ODAD2: variants seen among roughly 807,000 people sequenced by gnomAD.
The protein encoded by ODAD2 is outer dynein arm docking complex subunit 2.
ODAD2 carries 89 observed loss-of-function variants against 106.8 expected under a neutral mutation model. The observed-to-expected ratio is 0.83, with a 90% CI of 0.70 to 0.99. The LOEUF (loss-of-function observed/expected upper bound fraction) is 0.99, where lower values mean the gene tolerates loss of function less well. ODAD2 is among the 50% of genes least tolerant of loss of function. The pLI, the probability that ODAD2 is intolerant of heterozygous loss-of-function variation, is 0.00. For missense variants in ODAD2, 1,168 were observed against 1,238.5 expected (o/e 0.94, Z 0.85); for synonymous variants, 404 against 436.2 (o/e 0.93, Z 0.92).
intron 1 of ODAD2, among the ~76,000 whole-genome samples, chr10:27,996,775 T>C (rs1588682001): frequency 6.6e-6 from 1 of 152,182 alleles, no homozygotes; most frequent in South Asian, 2.1e-4. Flanking sequence ...GCAATGTTAT[T>C]TGAGAAATTT....
At chr10:27,923,989 A>AGAAAGAAAGAAAGAAAGAAT (rs1198899272) in intron 16 of ODAD2, among the ~76,000 whole-genome samples, 1 of 140,512 alleles carries the variant, frequency 7.1e-6, no homozygotes, top group East Asian at 2.2e-4. Context: ...AAAGAAAGAA[A>AGAAAGAAAGAAAGAAAGAAT]GAAAGAAAGA....
intron 10 of ODAD2, among the ~76,000 whole-genome samples, chr10:27,953,724 T>C (rs2132736209): frequency 6.6e-6 from 1 of 152,314 alleles, no homozygotes; most frequent in South Asian, 2.1e-4. Flanking sequence ...AAATTATATA[T>C]GTATATAAAC....
intron 12 of ODAD2, among the ~76,000 whole-genome samples, chr10:27,942,346 T>C (rs1379466027): frequency 6.6e-6 from 1 of 152,236 alleles, no homozygotes; most frequent in East Asian, 1.9e-4. Context: ...CAATTTTTAA[T>C]GTTGGAAGTG....
In ODAD2 at chr10:27,995,018, ATAAAAC is replaced by A; in HGVS notation, c.119_124del (p.Ser40_Phe41del). 6.2e-7 allele frequency: 1 copy of A among 1,614,216 alleles called. No homozygotes were observed. Among genetic ancestry groups the A allele is most frequent in the Non-Finnish European group, 8.5e-7 (1 of 1,180,052 alleles). On this transcript the variant is annotated inframe_deletion, in exon 2 of 20. Transcript: ENST00000305242. ...TTTTGCCTCTTGAGGATGTTTATAG[ATAAAAC>A]TCTCCACAAACACAATAATTTCTTT...
At chr10:27,905,089 T>G (rs1422088513) in intron 17 of ODAD2, 1 of 208,604 alleles carries the variant, frequency 4.8e-6, no homozygotes, top group East Asian at 1.2e-4. Context: ...TCTAAGACGA[T>G]GCTGGATATG....
Position 27,963,364 on chromosome 10 carries a change from G to T in ODAD2, c.1239-1649C>A, listed in dbSNP as rs1175030501. Among the ~76,000 whole-genome samples the T allele has an allele frequency of 2.6e-5, 4 of 152,080 alleles. No homozygotes were observed. In the East Asian group the frequency reaches 7.7e-4, roughly 29 times the overall value. ...ACCTCACAACCACTTTGCAAAGCAG[G>T]CTCTATTATCCCCATTCTACAAGCA... is the stretch of plus-strand genomic sequence containing the variant. On this transcript the variant is annotated intron_variant, in intron 9 of 19. Coordinates refer to ENST00000305242, the MANE Select transcript of ODAD2 (RefSeq NM_018076.5).
chr10:27,892,594 C>T lies in ODAD2; in HGVS notation c.2610+15069G>A, dbSNP rs550532697. 2.6e-5 allele frequency among the ~76,000 whole-genome samples: 4 copies of T among 152,298 alleles called. No homozygotes were observed. The South Asian group carries it at 8.3e-4, about 32-fold the overall frequency. Reference sequence around the variant, plus strand: ...TCAATAACTATTACATACTTGCTTTCTCCAAAATGAAGTTTTAAACTTAAC... The same window carrying T: ...TCAATAACTATTACATACTTGCTTTTTCCAAAATGAAGTTTTAAACTTAAC... On this transcript the variant is annotated intron_variant, in intron 17 of 19. Coordinates refer to ENST00000305242, the MANE Select transcript of ODAD2 (RefSeq NM_018076.5).
rs770897275 is a variant in ODAD2, at chr10:27,964,551, G to A, written c.1239-2836C>T. ...ATGCTATTGAAGAATGCTGTCTTTC[G>A]GTATCTTTGTTAAACTCCAAGGAAA... is the stretch of plus-strand genomic sequence containing the variant. On this transcript the variant is annotated intron_variant, in intron 9 of 19. Coordinates refer to ENST00000305242, the MANE Select transcript of ODAD2 (RefSeq NM_018076.5). 3.9e-5 allele frequency among the ~76,000 whole-genome samples: 6 copies of A among 152,200 alleles called. No homozygotes were observed. The East Asian group carries it at 5.8e-4, about 15-fold the overall frequency.
In ODAD2 at chr10:27,812,403, G is replaced by C; in HGVS notation, c.*109C>G. 1.1e-6 allele frequency: 1 copy of C among 941,376 alleles called. No individual in the cohort carries two copies. Among genetic ancestry groups the C allele is most frequent in the East Asian group, 2.8e-5 (1 of 35,186 alleles). 58.3% of individuals were successfully genotyped at this position (941,376 alleles called of 1,614,324 possible). ...TCAATTTGTGTGTTTTCATTTAGAT[G>C]GTTGAAAGGGTTTGCTAACAACTGT... On this transcript the variant is annotated 3_prime_UTR_variant, in exon 20 of 20. Coordinates refer to ENST00000305242, the MANE Select transcript of ODAD2 (RefSeq NM_018076.5).
chr10:27,824,409 G>A (rs890285642), intron 19 of ODAD2, among the ~76,000 whole-genome samples: 1 of 152,168 alleles, frequency 6.6e-6, no homozygotes, highest in Admixed American at 6.5e-5. Context: ...AAATGGGTAA[G>A]TTTGGCCCCC....
At chr10:27,961,843 T>A (rs983363148) in intron 9 of ODAD2, 128 bp from the exon 10 acceptor site, 1 of 722,592 alleles carries the variant, frequency 1.4e-6, no homozygotes, top group African/African-American at 1.8e-5. Context: ...GGTGGGAGGA[T>A]TACTTAAGGC....
intron 17 of ODAD2, among the ~76,000 whole-genome samples, chr10:27,876,001 G>A (rs1430950909): frequency 6.6e-6 from 1 of 152,198 alleles, no homozygotes; most frequent in Non-Finnish European, 1.5e-5. Context: ...CTGGGGGAGG[G>A]GCACCCGCCA....
At chr10:27,914,285 GT>G (rs1430665033) in intron 16 of ODAD2, among the ~76,000 whole-genome samples, 1 of 151,874 alleles carries the variant, frequency 6.6e-6, no homozygotes, top group African/African-American at 2.4e-5. Context: ...AATTACGCTG[GT>G]GACCACCAGA....
intron 17 of ODAD2, among the ~76,000 whole-genome samples, chr10:27,902,016 C>T (rs911944731): frequency 6.6e-6 from 1 of 152,162 alleles, no homozygotes; most frequent in Non-Finnish European, 1.5e-5. Flanking sequence ...CTTCTCAGCA[C>T]CACATCACAC....
chr10:27,985,060 C>T lies in ODAD2; in HGVS notation c.534G>A (p.Leu178=), dbSNP rs550542420. 2.5e-6 allele frequency: 4 copies of T among 1,609,014 alleles called. No homozygotes were observed. The South Asian group carries it at 3.3e-5, about 13-fold the overall frequency. ...GAGAATGATTGAGGAGGTGCAGATC[C>T]AATTGCTTAAGCAGCATAGCAATCT... ...KMKIAMLLKQ[L]DLHLLNHSLK... is the part of the protein sequence containing the mutation. The change falls in exon 4 of 20, where the codon TTG becomes TTA. Residue 178 remains leucine, a synonymous_variant. Coordinates refer to ENST00000305242, the MANE Select transcript of ODAD2 (RefSeq NM_018076.5).
At chr10:27,867,664 C>T (rs1361429000) in intron 17 of ODAD2, among the ~76,000 whole-genome samples, 1 of 152,052 alleles carries the variant, frequency 6.6e-6, no homozygotes, top group Non-Finnish European at 1.5e-5. Flanking sequence ...TACAAATAAG[C>T]AAGGGCTGGG....
intron 7 of ODAD2, among the ~76,000 whole-genome samples, chr10:27,976,627 T>A (rs1849207363): frequency 2.0e-5 from 3 of 152,142 alleles, no homozygotes; most frequent in Admixed American, 2.0e-4. Flanking sequence ...ACATACTATG[T>A]TCATGGATTA....
chr10:27,940,633 C>T lies in ODAD2; in HGVS notation c.1916G>A (p.Arg639Gln), dbSNP rs148908705. ...RKAGGIPLLARLLKTSHENML... is the reference protein window; with the variant it reads ...RKAGGIPLLAQLLKTSHENML... ...GTTTTCATGAGAAGTCTTCAGCAGC[C>T]GAGCCAACAGAGGAATGCCCCCAGC... is the stretch of plus-strand genomic sequence containing the variant. The change falls in exon 13 of 20, where the codon CGG becomes CAG. Residue 639 changes from arginine (R) to glutamine (Q), a missense_variant. Arg to Gln is a conservative substitution (Grantham distance 43, BLOSUM62 1). Transcript: ENST00000305242. 5.3e-5 allele frequency: 86 copies of T among 1,613,956 alleles called. No homozygotes were observed. In the African/African-American group the frequency reaches 8.3e-4, roughly 16 times the overall value.
At position 27,833,863 on chromosome 10, in the gene ODAD2, T is replaced by C. The variant is rs1837663302; in HGVS notation, c.3022-21238A>G. ...ACAGCAAGGTAAAGGTACACCTCCC[T>C]GAAGAACAAGAGCAAATCTGAAACC... On this transcript the variant is annotated intron_variant, in intron 19 of 19. Transcript: ENST00000305242. 2.6e-5 allele frequency among the ~76,000 whole-genome samples: 4 copies of C among 152,310 alleles called. No homozygotes were observed. In the South Asian group the frequency reaches 8.3e-4, roughly 32 times the overall value.
Sources: gnomAD v4.1 joint callset for allele counts (sites outside exome capture counted in the v4.1 genomes callset) on GRCh38, gnomAD v4.1.1 for gene constraint, MANE v1.5 for transcripts, NCBI Gene and HGNC (gene_info 2026-07-23, HGNC 2026-07-21) for gene names.